Variants in OTUD7B observed in about 807,000 individuals in gnomAD.
The protein encoded by OTUD7B is OTU deubiquitinase 7B.
Under a neutral mutation model 82.2 loss-of-function variants are expected in OTUD7B, and 34 were observed. The observed-to-expected ratio is 0.41, with a 90% CI of 0.31 to 0.55. The LOEUF (loss-of-function observed/expected upper bound fraction) is 0.55. Ranked by LOEUF, OTUD7B falls within the 20% of genes least tolerant of loss-of-function variation. OTUD7B has a pLI of 0.20. For synonymous variants in OTUD7B, 398 were observed against 402.7 expected, an observed-to-expected ratio of 0.99 and a Z score of 0.14; for missense variants, 944 against 1,062.1, an observed-to-expected ratio of 0.89 and a Z score of 1.55.
the OTUD7B span, among the ~76,000 whole-genome samples, chr1:150,023,455 G>C: frequency 2.0e-5 from 3 of 152,166 alleles, no homozygotes; most frequent in Non-Finnish European, 4.4e-5. Context: ...ATACCAGAGA[G>C]CCTTGAAGAA....
At chr1:150,065,790 T>C in the OTUD7B span, among the ~76,000 whole-genome samples, 1 of 146,190 alleles carries the variant, frequency 6.8e-6, no homozygotes, top group African/African-American at 2.8e-5. Context: ...AAGGATGCTG[T>C]CTAACTTCAG....
chr1:150,037,706 C>T, the OTUD7B span, among the ~76,000 whole-genome samples: 1 of 152,170 alleles, frequency 6.6e-6, no homozygotes, highest in African/African-American at 2.4e-5. Flanking sequence ...TCTCATGCCT[C>T]AGCCTCCCGC....
intron 1 of OTUD7B, among the ~76,000 whole-genome samples, chr1:150,002,253 C>G (rs1191504409): frequency 6.6e-6 from 1 of 150,618 alleles, no homozygotes; most frequent in Non-Finnish European, 1.5e-5. Context: ...CCCAATTTAT[C>G]ATAGCTTATT....
At chr1:150,038,751 CATG>C in the OTUD7B span, among the ~76,000 whole-genome samples, 1 of 152,138 alleles carries the variant, frequency 6.6e-6, no homozygotes, top group Non-Finnish European at 1.5e-5. Context: ...TATGGCACTT[CATG>C]ATTTTTGAGT....
chr1:149,969,924 A>C (rs1222251929), intron 3 of OTUD7B, among the ~76,000 whole-genome samples: 7 of 151,702 alleles, frequency 4.6e-5, no homozygotes, highest in Non-Finnish European at 8.8e-5. Flanking sequence ...CTGGTCTCGA[A>C]CTCCTGACCT....
chr1:149,995,515 G>A (rs782282770), intron 1 of OTUD7B, among the ~76,000 whole-genome samples: 3 of 151,838 alleles, frequency 2.0e-5, no homozygotes, highest in East Asian at 1.9e-4. Flanking sequence ...GGAGGCAGGG[G>A]TTGCAGTGAG....
At position 149,940,282 on chromosome 1, in the gene OTUD7B, G is replaced by A. The variant is rs2092752521; in HGVS notation, c.*3575C>T. The A allele has an allele frequency of 6.7e-6, 1 of 150,342 alleles. No homozygotes were observed. Among genetic ancestry groups the A allele is most frequent in the African/African-American group, 2.4e-5 (1 of 41,042 alleles). 9.3% of individuals were successfully genotyped at this position (150,342 alleles called of 1,614,324 possible). ...CCCTTCCACTGCCCTCTACAGCACT[G>A]AGTTTAACACCATCTCCACTCCTTA... On this transcript the variant is annotated 3_prime_UTR_variant, in exon 12 of 12. Transcript: ENST00000581312.
Position 149,944,838 on chromosome 1 carries a change from G to C in OTUD7B, c.1551C>G (p.Leu517=), listed in dbSNP as rs782126027. The change falls in exon 12 of 12, where the codon CTC becomes CTG. Residue 517 remains leucine, a synonymous_variant. Coordinates refer to ENST00000581312, the MANE Select transcript of OTUD7B (RefSeq NM_020205.4). ...GSFGKTLGSK[L]KKNMGGLMHS... is the part of the protein sequence containing the mutation. Reference sequence around the variant, plus strand: ...GCATCAGGCCCCCCATGTTCTTCTTGAGCTTGCTGCCCAAGGTTTTGCCAA... The same window carrying C: ...GCATCAGGCCCCCCATGTTCTTCTTCAGCTTGCTGCCCAAGGTTTTGCCAA... 2.5e-6 allele frequency: 4 copies of C among 1,613,884 alleles called. No homozygotes were observed. The highest frequency in any genetic ancestry group is 3.4e-6 in the Non-Finnish European group (4 of 1,180,008).
chr1:149,985,393 C>T (rs1039956533), intron 1 of OTUD7B, among the ~76,000 whole-genome samples: 12 of 151,898 alleles, frequency 7.9e-5, no homozygotes, highest in South Asian at 2.1e-4. Context: ...GGCGACAGAG[C>T]GAGACCCCAT....
chr1:150,033,452 G>A, the OTUD7B span, among the ~76,000 whole-genome samples: 1 of 151,918 alleles, frequency 6.6e-6, no homozygotes, highest in Admixed American at 6.6e-5. Context: ...CCTAACTATA[G>A]CCATCAATAT....
At position 149,941,557 on chromosome 1, in the gene OTUD7B, C is replaced by T. The variant is rs79926328; in HGVS notation, c.*2300G>A. On this transcript the variant is annotated 3_prime_UTR_variant, in exon 12 of 12. Coordinates refer to ENST00000581312, the MANE Select transcript of OTUD7B (RefSeq NM_020205.4). ...AAAATTTAAGGAGTGCCAAAAAACC[C>T]AGTAACCAAGATAAATACTATTTTA... 644 of 152,212 alleles carry T rather than the reference C, an allele frequency of 4.2e-3. 5 individuals carry two copies. Among genetic ancestry groups the T allele is most frequent in the African/African-American group, 0.014 (578 of 41,530 alleles). 9.4% of individuals were successfully genotyped at this position (152,212 alleles called of 1,614,324 possible).
At chr1:150,062,818 G>A in the OTUD7B span, among the ~76,000 whole-genome samples, 5 of 144,362 alleles carry the variant, frequency 3.5e-5, no homozygotes, top group African/African-American at 7.7e-5. Flanking sequence ...GGGTTTAAGC[G>A]ATTCTCCTGC....
chr1:150,031,701 C>T, the OTUD7B span, among the ~76,000 whole-genome samples: 3,335 of 152,264 alleles, frequency 0.022, 115 homozygotes, highest in African/African-American at 0.073. Flanking sequence ...AGCTCTACCA[C>T]CTTCCAGCTC....
At chr1:150,052,713 A>T in the OTUD7B span, among the ~76,000 whole-genome samples, 1 of 152,132 alleles carries the variant, frequency 6.6e-6, no homozygotes, top group African/African-American at 2.4e-5. Flanking sequence ...TAGCAAAGCC[A>T]AAAAGAACAA....
intron 11 of OTUD7B, among the ~76,000 whole-genome samples, chr1:149,945,932 T>A (rs1183123108): frequency 3.3e-5 from 5 of 151,460 alleles, no homozygotes; most frequent in Admixed American, 3.3e-4. Flanking sequence ...TGGTGGTGCA[T>A]GTCTGTAATC....
chr1:150,061,484 CTAT>C, the OTUD7B span, among the ~76,000 whole-genome samples: 1 of 152,014 alleles, frequency 6.6e-6, no homozygotes, highest in Non-Finnish European at 1.5e-5. Flanking sequence ...AACTTTTTTG[CTAT>C]TATCAGCAAT....
upstream of OTUD7B, among the ~76,000 whole-genome samples, chr1:150,012,641 A>C (rs1653129806): frequency 6.6e-6 from 1 of 152,224 alleles, no homozygotes; most frequent in East Asian, 1.9e-4. Flanking sequence ...TTCTTTTGGC[A>C]GTGACCATAG....
At chr1:149,978,661 G>A (rs1650496713) in intron 1 of OTUD7B, among the ~76,000 whole-genome samples, 1 of 152,186 alleles carries the variant, frequency 6.6e-6, no homozygotes, top group Non-Finnish European at 1.5e-5. Context: ...CAGGACAGAT[G>A]ACTGTCAAAT....
chr1:150,001,021 G>A (rs1553784635), intron 1 of OTUD7B, among the ~76,000 whole-genome samples: 1 of 151,988 alleles, frequency 6.6e-6, no homozygotes, highest in Non-Finnish European at 1.5e-5. Context: ...TAAAGATGTG[G>A]CGGGGCAGAG....
Sources: allele counts gnomAD v4.1 joint callset (sites outside exome capture counted in the v4.1 genomes callset), GRCh38; gene constraint gnomAD v4.1.1; transcripts MANE v1.5; gene names NCBI Gene and HGNC (gene_info 2026-07-23, HGNC 2026-07-21).